LRP1B: variants seen among roughly 807,000 people sequenced by gnomAD.
The protein encoded by LRP1B is LDL receptor related protein 1B.
LRP1B carries 217 observed loss-of-function variants against 556.6 expected under a neutral mutation model. That is an observed-to-expected ratio of 0.39 (90% CI 0.35 to 0.44). The LOEUF is 0.44. Ranked by LOEUF, LRP1B falls within the 20% of genes least tolerant of loss-of-function variation. LRP1B has a pLI of 1.00. For missense variants in LRP1B, 5,053 were observed against 5,620.8 expected, an observed-to-expected ratio of 0.90 and a Z score of 3.23; for synonymous variants, 2,047 against 1,865.8, an observed-to-expected ratio of 1.10 and a Z score of -2.50.
intron 47 of LRP1B, among the ~76,000 whole-genome samples, chr2:140,527,826 T>C (rs1274381303): frequency 1.3e-5 from 2 of 152,012 alleles, no homozygotes; most frequent in East Asian, 3.9e-4. Flanking sequence ...CTTTTGTTTT[T>C]GGCTTCACTG....
chr2:141,887,636 T>C (rs550077009), intron 1 of LRP1B, among the ~76,000 whole-genome samples: 1 of 152,196 alleles, frequency 6.6e-6, no homozygotes, highest in Non-Finnish European at 1.5e-5. Flanking sequence ...TTATATTTAG[T>C]TTTACCAGCT....
intron 3 of LRP1B, among the ~76,000 whole-genome samples, chr2:141,396,435 T>A (rs148544991): frequency 0.012 from 1,812 of 152,322 alleles, 24 homozygotes; most frequent in Middle Eastern, 0.02. Flanking sequence ...AATGATGAGC[T>A]GGGCGATATT....
chr2:141,669,342 C>G (rs1690574186), intron 2 of LRP1B, among the ~76,000 whole-genome samples: 1 of 152,028 alleles, frequency 6.6e-6, no homozygotes, highest in African/African-American at 2.4e-5. Context: ...AGAAACCAAC[C>G]CTGACAACAC....
At chr2:141,198,264 G>A (rs760269635) in intron 6 of LRP1B, among the ~76,000 whole-genome samples, 25 of 152,150 alleles carry the variant, frequency 1.6e-4, no homozygotes, top group Non-Finnish European at 3.1e-4. Context: ...ACAAACAAAG[G>A]CTCTGTCAGG....
intron 1 of LRP1B, among the ~76,000 whole-genome samples, chr2:141,817,351 C>T (rs1358269223): frequency 6.6e-6 from 1 of 151,918 alleles, no homozygotes; most frequent in African/African-American, 2.4e-5. Flanking sequence ...TAGATTCTTG[C>T]AATCAAAAAA....
At chr2:141,097,236 T>C (rs1700345496) in intron 7 of LRP1B, among the ~76,000 whole-genome samples, 1 of 152,230 alleles carries the variant, frequency 6.6e-6, no homozygotes, top group African/African-American at 2.4e-5. Flanking sequence ...TATGGTAATT[T>C]ATGCTCACTC....
intron 3 of LRP1B, among the ~76,000 whole-genome samples, chr2:141,459,909 T>C (rs1276794152): frequency 2.6e-5 from 4 of 152,126 alleles, no homozygotes; most frequent in African/African-American, 9.7e-5. Flanking sequence ...TTTACTTGAG[T>C]GTCAGGAAAA....
intron 7 of LRP1B, among the ~76,000 whole-genome samples, chr2:141,156,357 A>G (rs983133045): frequency 6.6e-6 from 1 of 152,094 alleles, no homozygotes. Context: ...GGCCAGGCGC[A>G]TTAGCTCTTG....
At chr2:140,358,177 T>A (rs1682323156) in intron 73 of LRP1B, 61 bp from the exon 74 acceptor site, 14 of 1,476,132 alleles carry the variant, frequency 9.5e-6, no homozygotes, top group Non-Finnish European at 1.3e-5. Context: ...TTATTGAGCA[T>A]GTAATAGCTC....
chr2:140,671,181 G>GAT (rs1685466581), intron 41 of LRP1B, among the ~76,000 whole-genome samples: 1 of 152,070 alleles, frequency 6.6e-6, no homozygotes. Flanking sequence ...CTAAAACTAA[G>GAT]GTATATACAA....
intron 7 of LRP1B, among the ~76,000 whole-genome samples, chr2:141,170,951 C>A (rs1680475619): frequency 1.3e-5 from 2 of 152,110 alleles, no homozygotes; most frequent in African/African-American, 4.8e-5. Flanking sequence ...GATTGATCCA[C>A]AATTATAGTC....
intron 2 of LRP1B, among the ~76,000 whole-genome samples, chr2:141,781,599 G>T (rs1695256868): frequency 6.6e-6 from 1 of 152,162 alleles, no homozygotes; most frequent in South Asian, 2.1e-4. Context: ...ATGGAAAGCA[G>T]CATTTGTTTG....
At chr2:142,056,493 G>A (rs1016774123) in intron 1 of LRP1B, among the ~76,000 whole-genome samples, 7 of 152,056 alleles carry the variant, frequency 4.6e-5, no homozygotes, top group Non-Finnish European at 8.8e-5. Context: ...AGGGAGAGGA[G>A]TCTATTAGGA....
chr2:140,399,336 G>A lies in LRP1B; in HGVS notation c.10415-13327C>T, dbSNP rs1282896935. Among the ~76,000 whole-genome samples the A allele has an allele frequency of 4.6e-5, 7 of 152,066 alleles. No individual in the cohort carries two copies. In the East Asian group the frequency reaches 1.4e-3, roughly 29 times the overall value. Reference sequence around the variant, plus strand: ...TTTCAAGTACTGCTAGTATCATCTGGCATCATTTTTTCTCTTATATCTTTT... The same window carrying A: ...TTTCAAGTACTGCTAGTATCATCTGACATCATTTTTTCTCTTATATCTTTT... On this transcript the variant is annotated intron_variant, in intron 66 of 90. Transcript: ENST00000389484.
intron 1 of LRP1B, among the ~76,000 whole-genome samples, chr2:141,863,802 T>C (rs1280996693): frequency 6.6e-6 from 1 of 152,160 alleles, no homozygotes; most frequent in Non-Finnish European, 1.5e-5. Flanking sequence ...CTTTTCATTA[T>C]ACTACACCAA....
intron 20 of LRP1B, among the ~76,000 whole-genome samples, chr2:140,937,208 G>A (rs987786611): frequency 1.3e-5 from 2 of 151,996 alleles, no homozygotes; most frequent in African/African-American, 4.8e-5. Context: ...GTACTAAAGG[G>A]CACATAGGAA....
chr2:141,691,191 G>A (rs1245541144), intron 2 of LRP1B, among the ~76,000 whole-genome samples: 1 of 151,732 alleles, frequency 6.6e-6, no homozygotes, highest in African/African-American at 2.4e-5. Flanking sequence ...CATTAACCTG[G>A]TCCATTTATA....
At chr2:140,924,320 T>C (rs749270511) in intron 20 of LRP1B, among the ~76,000 whole-genome samples, 1 of 152,084 alleles carries the variant, frequency 6.6e-6, no homozygotes, top group Non-Finnish European at 1.5e-5. Context: ...ACAGGGTTGA[T>C]GTGAGAATTA....
chr2:141,394,809 G>T (rs1690180974), intron 3 of LRP1B, among the ~76,000 whole-genome samples: 1 of 152,046 alleles, frequency 6.6e-6, no homozygotes. Flanking sequence ...TAGTGTTTTA[G>T]AATAATAGCA....
Sources: allele counts gnomAD v4.1 joint callset (sites outside exome capture counted in the v4.1 genomes callset), GRCh38; gene constraint gnomAD v4.1.1; transcripts MANE v1.5; gene names NCBI Gene and HGNC (gene_info 2026-07-23, HGNC 2026-07-21).